Variants in TEX9 observed in about 807,000 individuals in gnomAD.
The protein encoded by TEX9 is testis expressed 9.
TEX9 carries 74 observed loss-of-function variants against 59.6 expected under a neutral mutation model. That is an observed-to-expected ratio of 1.24 (90% CI 1.03 to 1.51). The LOEUF (loss-of-function observed/expected upper bound fraction) is 1.51. Ranked by LOEUF, TEX9 falls within the 40% of genes most tolerant of loss-of-function variation. The pLI is 0.00. For missense variants in TEX9, 522 were observed against 447.8 expected (o/e 1.17, Z -1.49); for synonymous variants, 186 against 152.2 (o/e 1.22, Z -1.64).
intron 1 of TEX9, among the ~76,000 whole-genome samples, chr15:56,298,593 C>G (rs2045270050): frequency 6.6e-6 from 1 of 152,102 alleles, no homozygotes; most frequent in Non-Finnish European, 1.5e-5. Context: ...TTTTTTTACC[C>G]TGCCATTTCC....
intron 1 of TEX9, among the ~76,000 whole-genome samples, chr15:56,245,632 C>T (rs2043833986): frequency 1.3e-5 from 2 of 152,122 alleles, no homozygotes; most frequent in African/African-American, 4.8e-5. Flanking sequence ...CTTTGTGTGC[C>T]AGACTAGCAC....
intron 1 of TEX9, among the ~76,000 whole-genome samples, chr15:56,356,452 T>G (rs536267336): frequency 1.3e-5 from 2 of 152,294 alleles, no homozygotes; most frequent in Middle Eastern, 3.4e-3. Context: ...CTCACCATTC[T>G]TCTGGTGTTT....
At chr15:56,362,673 G>GC (rs1280634871), upstream of TEX9, among the ~76,000 whole-genome samples, 38 of 152,022 alleles carry the variant, frequency 2.5e-4, no homozygotes, top group African/African-American at 8.7e-4. Flanking sequence ...TTTCACTAGC[G>GC]CCCCCCAAAC....
At chr15:56,419,911 G>A (rs2049887396) in intron 10 of TEX9, among the ~76,000 whole-genome samples, 1 of 151,842 alleles carries the variant, frequency 6.6e-6, no homozygotes, top group Admixed American at 6.6e-5. Context: ...AGGTTTTCTT[G>A]TGGAAAGATT....
At chr15:56,262,761 C>A (rs2044295255) in intron 1 of TEX9, among the ~76,000 whole-genome samples, 1 of 152,136 alleles carries the variant, frequency 6.6e-6, no homozygotes, top group Non-Finnish European at 1.5e-5. Context: ...CTAATGTTTG[C>A]TTATATTACT....
intron 9 of TEX9, 74 bp downstream of exon 9, chr15:56,394,908 A>C: frequency 1.4e-6 from 2 of 1,396,826 alleles, no homozygotes; most frequent in Non-Finnish European, 1.9e-6. Flanking sequence ...ATTTGTATAG[A>C]TGCCATTTTG....
At chr15:56,271,825 C>T (rs1166162386) in intron 1 of TEX9, among the ~76,000 whole-genome samples, 1 of 152,054 alleles carries the variant, frequency 6.6e-6, no homozygotes, top group Non-Finnish European at 1.5e-5. Flanking sequence ...ATATAAAAGT[C>T]AACATTTAAA....
intron 12 of TEX9, among the ~76,000 whole-genome samples, chr15:56,437,558 G>A (rs577981787): frequency 0.015 from 2,334 of 152,262 alleles, 30 homozygotes; most frequent in Non-Finnish European, 0.024. Context: ...ACTGGCACAA[G>A]ACAGGGATGC....
intron 1 of TEX9, among the ~76,000 whole-genome samples, chr15:56,257,694 T>G (rs2044175237): frequency 1.3e-5 from 2 of 152,156 alleles, no homozygotes; most frequent in Non-Finnish European, 2.9e-5. Flanking sequence ...ATATTAGATC[T>G]TTGTTAGATG....
At position 56,266,128 on chromosome 15, in the gene TEX9, TTC is replaced by T. The variant is rs2044375647; in HGVS notation, c.-107+21856_-107+21857del. Among the ~76,000 whole-genome samples, 8 of 152,114 alleles carry T rather than the reference TTC, an allele frequency of 5.3e-5. No individual in the cohort carries two copies. The South Asian group carries it at 1.7e-3, about 32-fold the overall frequency. ...AATTGGTTGCTTGTCATTATGTAATTTCTCTCTTTTTTTTTTGAGACAGAGTC... is the reference window on the plus strand; with the variant it reads ...AATTGGTTGCTTGTCATTATGTAATTTCTCTTTTTTTTTTGAGACAGAGTC... On this transcript the variant is annotated intron_variant, in intron 1 of 5. Coordinates refer to the TEX9 transcript ENST00000560827.
intron 1 of TEX9, among the ~76,000 whole-genome samples, chr15:56,313,628 T>C (rs1334046849): frequency 1.3e-4 from 17 of 134,562 alleles, no homozygotes; most frequent in African/African-American, 4.3e-4. Flanking sequence ...GTTGTGTCTC[T>C]GCCTGGCTTT....
intron 1 of TEX9, among the ~76,000 whole-genome samples, chr15:56,269,453 G>A (rs2044470560): frequency 6.6e-6 from 1 of 151,898 alleles, no homozygotes; most frequent in African/African-American, 2.4e-5. Flanking sequence ...TCTCTTGTGG[G>A]CATTTAGTGC....
chr15:56,298,976 C>T (rs2045278852), intron 1 of TEX9, among the ~76,000 whole-genome samples: 1 of 152,166 alleles, frequency 6.6e-6, no homozygotes, highest in Admixed American at 6.5e-5. Context: ...AAATAGAATA[C>T]TCCAGCAATT....
At chr15:56,399,119 T>C (rs1366673679) in intron 9 of TEX9, among the ~76,000 whole-genome samples, 1 of 152,178 alleles carries the variant, frequency 6.6e-6, no homozygotes, top group African/African-American at 2.4e-5. Context: ...GGACAGTGGG[T>C]GCAGCCCACG....
chr15:56,352,550 G>A (rs1432565226), intron 1 of TEX9, among the ~76,000 whole-genome samples: 2 of 151,930 alleles, frequency 1.3e-5, no homozygotes, highest in Non-Finnish European at 2.9e-5. Flanking sequence ...ATCATGCCCC[G>A]CCCTGTATTT....
intron 4 of TEX9, among the ~76,000 whole-genome samples, chr15:56,387,022 A>G (rs894137705): frequency 5.9e-5 from 9 of 152,002 alleles, no homozygotes; most frequent in Non-Finnish European, 1.2e-4. Context: ...TCTGTCAAAA[A>G]ATGTGATGGG....
intron 1 of TEX9, among the ~76,000 whole-genome samples, chr15:56,309,724 T>TTTTTTTG (rs2045566144): frequency 9.9e-6 from 1 of 100,690 alleles, no homozygotes; most frequent in African/African-American, 3.9e-5. Flanking sequence ...TTTTTTTTTT[T>TTTTTTTG]AAAGCAGTGA....
At chr15:56,244,582 C>T (rs1337073934) in intron 1 of TEX9, among the ~76,000 whole-genome samples, 1 of 148,560 alleles carries the variant, frequency 6.7e-6, no homozygotes, top group Non-Finnish European at 1.5e-5. Flanking sequence ...ACCTCCCCAC[C>T]CCACCCCACC....
At chr15:56,339,401 A>AACAAACAAAC (rs1555434473) in intron 1 of TEX9, among the ~76,000 whole-genome samples, 9 of 124,194 alleles carry the variant, frequency 7.2e-5, no homozygotes, top group Non-Finnish European at 8.4e-5. Context: ...AAAAAAAAAA[A>AACAAACAAAC]AAAAAAAAAA....
Sources: gnomAD v4.1 joint callset for allele counts (sites outside exome capture counted in the v4.1 genomes callset) on GRCh38, gnomAD v4.1.1 for gene constraint, MANE v1.5 for transcripts, NCBI Gene and HGNC (gene_info 2026-07-23, HGNC 2026-07-21) for gene names.